PAK1: variants seen among roughly 807,000 people sequenced by gnomAD.
PAK1 encodes p21 (RAC1) activated kinase 1.
Under a neutral mutation model 67.4 loss-of-function variants are expected in PAK1, and 29 were observed. The ratio of observed to expected loss-of-function variants is 0.43; its 90% CI spans 0.32 to 0.59. The LOEUF (loss-of-function observed/expected upper bound fraction) is 0.59. Among genes scored for constraint, PAK1 ranks in the 20% least tolerant of loss-of-function variants. The pLI, the probability that PAK1 is intolerant of heterozygous loss-of-function variation, is 0.07. For synonymous variants in PAK1, 223 were observed against 237.4 expected, an observed-to-expected ratio of 0.94 and a Z score of 0.56; for missense variants, 337 against 670.7, an observed-to-expected ratio of 0.50 and a Z score of 5.50.
chr11:77,426,975 C>A (rs903177991), intron 1 of PAK1, among the ~76,000 whole-genome samples: 1 of 151,772 alleles, frequency 6.6e-6, no homozygotes, highest in African/African-American at 2.4e-5. Flanking sequence ...ATGATCAGAA[C>A]AAGAAAAGTT....
At chr11:77,495,271 C>T in the PAK1 span, among the ~76,000 whole-genome samples, 1 of 151,794 alleles carries the variant, frequency 6.6e-6, no homozygotes, top group Non-Finnish European at 1.5e-5. Context: ...GTCAGGAGTT[C>T]GAGACCAGCC....
At chr11:77,344,730 C>T (rs1944142609) in intron 9 of PAK1, among the ~76,000 whole-genome samples, 1 of 152,186 alleles carries the variant, frequency 6.6e-6, no homozygotes, top group South Asian at 2.1e-4. Flanking sequence ...TTAGAACCCT[C>T]AAAAGGGATG....
At chr11:77,410,955 C>A (rs1373601267) in intron 1 of PAK1, among the ~76,000 whole-genome samples, 1 of 152,020 alleles carries the variant, frequency 6.6e-6, no homozygotes, top group South Asian at 2.1e-4. Flanking sequence ...TCTAGTTTAA[C>A]GCAACTTTAT....
intron 1 of PAK1, among the ~76,000 whole-genome samples, chr11:77,451,835 G>A (rs1301460154): frequency 1.4e-5 from 2 of 142,772 alleles, no homozygotes; most frequent in Non-Finnish European, 3.0e-5. Flanking sequence ...CTGACCTCAG[G>A]TGATCCGCCT....
rs1386643710 is a variant in PAK1, at chr11:77,328,238, T to C, written c.1551+4492A>G. 2.0e-5 allele frequency among the ~76,000 whole-genome samples: 3 copies of C among 151,688 alleles called. No homozygotes were observed. In the East Asian group the frequency reaches 5.8e-4, roughly 29 times the overall value. On this transcript the variant is annotated intron_variant, in intron 14 of 14. Coordinates refer to ENST00000356341, the MANE Select transcript of PAK1 (RefSeq NM_002576.5). ...TTAGACAGATCAACGAGACAGAAAGTTAACAAGGATACCCAGGAATTGAAC... is the reference window on the plus strand; with the variant it reads ...TTAGACAGATCAACGAGACAGAAAGCTAACAAGGATACCCAGGAATTGAAC...
intron 6 of PAK1, 108 bp downstream of exon 6, chr11:77,358,790 C>T: frequency 9.1e-7 from 1 of 1,104,694 alleles, no homozygotes; most frequent in Non-Finnish European, 1.3e-6. Flanking sequence ...GCTCCAAAAT[C>T]TAAGGACGCC....
At chr11:77,374,404 GT>G in intron 4 of PAK1, 39 bp from the exon 5 acceptor site, 1 of 1,456,864 alleles carries the variant, frequency 6.9e-7, no homozygotes, top group Non-Finnish European at 9.6e-7. Flanking sequence ...GTCAATAACA[GT>G]TACAGTTAAA....
At chr11:77,453,808 C>T (rs1334950554) in intron 1 of PAK1, among the ~76,000 whole-genome samples, 1 of 152,046 alleles carries the variant, frequency 6.6e-6, no homozygotes, top group Non-Finnish European at 1.5e-5. Flanking sequence ...AGGCTGGGTG[C>T]GGTGGCTCAC....
At chr11:77,361,099 C>A (rs1946720166) in intron 5 of PAK1, among the ~76,000 whole-genome samples, 1 of 152,118 alleles carries the variant, frequency 6.6e-6, no homozygotes, top group Non-Finnish European at 1.5e-5. Flanking sequence ...CAGATAAAGT[C>A]CCTGGTTCTA....
chr11:77,455,353 G>C (rs927774987), intron 1 of PAK1, among the ~76,000 whole-genome samples: 1 of 151,868 alleles, frequency 6.6e-6, no homozygotes, highest in Non-Finnish European at 1.5e-5. Flanking sequence ...TGTGATTTAG[G>C]TTCCACCATT....
At chr11:77,377,556 CTGAA>C (rs143920634) in intron 4 of PAK1, among the ~76,000 whole-genome samples, 25 of 152,220 alleles carry the variant, frequency 1.6e-4, no homozygotes, top group Admixed American at 1.4e-3. Flanking sequence ...ACATAATTAC[CTGAA>C]TGTTTATATT....
At chr11:77,461,329 G>A (rs903204029) in intron 1 of PAK1, among the ~76,000 whole-genome samples, 2 of 152,284 alleles carry the variant, frequency 1.3e-5, no homozygotes, top group South Asian at 2.1e-4. Context: ...GATGTTGCTG[G>A]GAAGGTATTT....
chr11:77,322,176 C>G lies in PAK1; in HGVS notation c.*1098G>C. On this transcript the variant is annotated 3_prime_UTR_variant, in exon 15 of 15. Transcript: ENST00000356341. Reference sequence around the variant, plus strand: ...GGGAGAACCAAAACCACAAAAATAGCAGGAGGTAGCAAACATCCCCAACAC... The same window carrying G: ...GGGAGAACCAAAACCACAAAAATAGGAGGAGGTAGCAAACATCCCCAACAC... 1 of 207,714 alleles carries G rather than the reference C, an allele frequency of 4.8e-6. No individual in the cohort carries two copies. The highest frequency in any genetic ancestry group is 9.9e-6 in the Non-Finnish European group (1 of 101,314). The allele number at this position is 207,714 out of a possible 1,614,324, so 12.9% of individuals were successfully genotyped here.
At chr11:77,503,889 G>T in the PAK1 span, among the ~76,000 whole-genome samples, 1 of 152,096 alleles carries the variant, frequency 6.6e-6, no homozygotes, top group Non-Finnish European at 1.5e-5. Flanking sequence ...AAGTATTTAT[G>T]AATCTTTTTT....
intron 1 of PAK1, among the ~76,000 whole-genome samples, chr11:77,440,751 G>A (rs1398546318): frequency 6.6e-6 from 1 of 152,150 alleles, no homozygotes; most frequent in African/African-American, 2.4e-5. Flanking sequence ...TATACAGCAA[G>A]GGAAATAACA....
chr11:77,370,142 T>A (rs777628593), intron 5 of PAK1, among the ~76,000 whole-genome samples: 1 of 152,216 alleles, frequency 6.6e-6, no homozygotes, highest in Non-Finnish European at 1.5e-5. Context: ...AGTGTTACTT[T>A]AGGGTATGTA....
the PAK1 span, among the ~76,000 whole-genome samples, chr11:77,505,570 C>T: frequency 6.6e-6 from 1 of 152,212 alleles, no homozygotes; most frequent in Non-Finnish European, 1.5e-5. Flanking sequence ...CCCCATTCCT[C>T]TCCCCATCCC....
intron 13 of PAK1, among the ~76,000 whole-genome samples, chr11:77,335,821 A>G (rs1303667502): frequency 6.6e-6 from 1 of 152,158 alleles, no homozygotes; most frequent in East Asian, 1.9e-4. Context: ...AGCATTTACC[A>G]TCTGTTACTA....
the PAK1 span, among the ~76,000 whole-genome samples, chr11:77,490,374 T>C: frequency 2.1e-5 from 1 of 47,046 alleles, no homozygotes; most frequent in Non-Finnish European, 4.3e-5. Context: ...GTCCGGGAGG[T>C]GAGGGGTGCC....
Sources: allele counts gnomAD v4.1 joint callset (sites outside exome capture counted in the v4.1 genomes callset), GRCh38; gene constraint gnomAD v4.1.1; transcripts MANE v1.5; gene names NCBI Gene and HGNC (gene_info 2026-07-23, HGNC 2026-07-21).